EMILIN2: variants seen among roughly 807,000 people sequenced by gnomAD.
The protein encoded by EMILIN2 is elastin microfibril interfacer 2, also known as EMILIN-2.
EMILIN2 carries 71 observed loss-of-function variants against 87.1 expected under a neutral mutation model. The observed-to-expected ratio is 0.82, with a 90% CI of 0.67 to 0.99. The LOEUF is 0.99. EMILIN2 is among the 50% of genes least tolerant of loss of function. The pLI is 0.00. For missense variants in EMILIN2, 1,407 were observed against 1,371.8 expected (o/e 1.03, Z -0.40); for synonymous variants, 581 against 563.4 (o/e 1.03, Z -0.44).
intron 2 of EMILIN2, among the ~76,000 whole-genome samples, chr18:2,867,940 C>T (rs1439470982): frequency 1.3e-5 from 2 of 151,928 alleles, no homozygotes; most frequent in Non-Finnish European, 2.9e-5. Flanking sequence ...GGCAGAGGCG[C>T]CCCTCACCTC....
chr18:2,858,638 C>T (rs1204705624), intron 2 of EMILIN2, among the ~76,000 whole-genome samples: 16 of 123,170 alleles, frequency 1.3e-4, no homozygotes, highest in Non-Finnish European at 2.7e-4. Flanking sequence ...TTTCTTTTTT[C>T]TCTTTCTTTT....
At chr18:2,909,921 A>G in intron 7 of EMILIN2, 102 bp downstream of exon 7, 1 of 1,511,326 alleles carries the variant, frequency 6.6e-7, no homozygotes, top group Non-Finnish European at 8.9e-7. Context: ...CCGTGGGCTC[A>G]GGGAGGACGC....
intron 2 of EMILIN2, among the ~76,000 whole-genome samples, chr18:2,865,032 G>C (rs143636752): frequency 6.6e-6 from 1 of 151,704 alleles, no homozygotes; most frequent in South Asian, 2.1e-4. Flanking sequence ...TTGTGCATTC[G>C]TCACGTAGTT....
intron 2 of EMILIN2, among the ~76,000 whole-genome samples, chr18:2,862,756 G>C (rs1340893981): frequency 8.5e-5 from 13 of 152,236 alleles, no homozygotes; most frequent in Admixed American, 3.9e-4. Context: ...AGGGAGGATT[G>C]CCTCTTTTTC....
chr18:2,857,075 G>A (rs1040626541), intron 2 of EMILIN2, among the ~76,000 whole-genome samples: 3 of 152,200 alleles, frequency 2.0e-5, no homozygotes, highest in Non-Finnish European at 2.9e-5. Flanking sequence ...GAAGGACCCA[G>A]AAGGACTCAG....
chr18:2,862,718 G>C (rs1003762197), intron 2 of EMILIN2, among the ~76,000 whole-genome samples: 1 of 152,146 alleles, frequency 6.6e-6, no homozygotes. Context: ...TTTGGTATCA[G>C]GATGATGCTG....
chr18:2,853,745 C>T (rs1277196319), intron 2 of EMILIN2, among the ~76,000 whole-genome samples: 2 of 152,240 alleles, frequency 1.3e-5, no homozygotes, highest in Non-Finnish European at 2.9e-5. Context: ...TCTCAATCCA[C>T]AGCCGGGCTG....
chr18:2,882,274 T>G (rs1020839615), intron 2 of EMILIN2, among the ~76,000 whole-genome samples: 6 of 152,246 alleles, frequency 3.9e-5, no homozygotes, highest in African/African-American at 1.4e-4. Flanking sequence ...TCCATTTTAC[T>G]ACCAGGCTTC....
chr18:2,886,912 A>T (rs533901983), intron 3 of EMILIN2, among the ~76,000 whole-genome samples: 41 of 152,190 alleles, frequency 2.7e-4, no homozygotes, highest in African/African-American at 8.7e-4. Context: ...CCCTACCTGG[A>T]CGGGACATCC....
chr18:2,847,938 C>T lies in EMILIN2; in HGVS notation c.257+7C>T. The T allele has an allele frequency of 6.2e-7, 1 of 1,607,206 alleles. No individual in the cohort carries two copies. Among genetic ancestry groups the T allele is most frequent in the Non-Finnish European group, 8.5e-7 (1 of 1,178,322 alleles). On this transcript the variant is annotated splice_region_variant and intron_variant, in intron 2 of 7. Transcript: ENST00000254528. This position sits in a 1 kb window ranked among gnomAD's most constrained non-coding sequence, Gnocchi z 4.5. ...CCTGTCCGTCGGCGCTGGTGTAAGT[C>T]CTGGAGCCGGGGAGCGGGCGGGGCG... is the stretch of plus-strand genomic sequence containing the variant.
intron 2 of EMILIN2, among the ~76,000 whole-genome samples, chr18:2,879,036 G>A (rs1198920214): frequency 6.6e-6 from 1 of 152,190 alleles, no homozygotes; most frequent in African/African-American, 2.4e-5. Flanking sequence ...AGCAGCTGGC[G>A]AGATGGTCCC....
At chr18:2,885,987 A>G (rs865871763) in intron 3 of EMILIN2, among the ~76,000 whole-genome samples, 35 of 152,264 alleles carry the variant, frequency 2.3e-4, no homozygotes, top group African/African-American at 7.2e-4. Context: ...TTTAACTACA[A>G]AAGTAATGCA....
intron 2 of EMILIN2, among the ~76,000 whole-genome samples, chr18:2,850,446 C>T (rs916474930): frequency 6.6e-6 from 1 of 151,944 alleles, no homozygotes; most frequent in Non-Finnish European, 1.5e-5. Flanking sequence ...CACTGTGTCA[C>T]CCAGGCTGGG....
intron 2 of EMILIN2, among the ~76,000 whole-genome samples, chr18:2,883,666 C>T (rs1433326762): frequency 2.0e-5 from 3 of 152,182 alleles, no homozygotes; most frequent in African/African-American, 7.2e-5. Flanking sequence ...GGCCCAGGCC[C>T]GGCCTTGAGT....
chr18:2,847,890 C>G lies in EMILIN2; in HGVS notation c.216C>G (p.Tyr72Ter). The G allele has an allele frequency of 6.2e-7, 1 of 1,613,264 alleles. No homozygotes were observed. Among genetic ancestry groups the G allele is most frequent in the African/African-American group, 1.3e-5 (1 of 75,026 alleles). ...GTGAGAGTTTTATTCAGGCTCAGTA[C>G]AACTGTGCCTGGAACCAGATGCCCT... ...EGSESFIQAQ[Y>*]NCAWNQMPCP... Residue 72 changes from tyrosine (Y) to a stop codon, truncating the protein, a stop_gained, in exon 2 of 8, where the codon TAC (tyrosine) becomes TAG (stop). Transcript: ENST00000254528. LOFTEE classifies it high-confidence loss of function. The surrounding 1 kb of genome is among the most constrained non-coding windows in gnomAD (Gnocchi z 4.5).
chr18:2,887,455 C>CT (rs1283039479), intron 3 of EMILIN2, among the ~76,000 whole-genome samples: 1 of 151,498 alleles, frequency 6.6e-6, no homozygotes, highest in Non-Finnish European at 1.5e-5. Flanking sequence ...TCATGAATGG[C>CT]TTGGTACCCT....
intron 6 of EMILIN2, 56 bp from the exon 7 acceptor site, chr18:2,909,635 C>T: frequency 6.3e-7 from 1 of 1,589,826 alleles, no homozygotes; most frequent in Non-Finnish European, 8.5e-7. Context: ...TCCAGGCCCT[C>T]CCCCTGGAGG....
At chr18:2,873,291 T>TC (rs2076730055) in intron 2 of EMILIN2, among the ~76,000 whole-genome samples, 1 of 151,870 alleles carries the variant, frequency 6.6e-6, no homozygotes, top group Admixed American at 6.6e-5. Context: ...ATGCCTGTAA[T>TC]CCCGGCTACT....
chr18:2,858,563 A>ACGTGTGTGTG (rs2076641947), intron 2 of EMILIN2, among the ~76,000 whole-genome samples: 1 of 68,734 alleles, frequency 1.5e-5, no homozygotes, highest in African/African-American at 1.0e-4. Flanking sequence ...ATATATATAT[A>ACGTGTGTGTG]TATATATGTG....
Sources: gnomAD v4.1 joint callset for allele counts (sites outside exome capture counted in the v4.1 genomes callset) on GRCh38, gnomAD v4.1.1 for gene constraint, Gnocchi (gnomAD v3.1) non-coding constraint, MANE v1.5 for transcripts, NCBI Gene and HGNC (gene_info 2026-07-23, HGNC 2026-07-21) for gene names.